DEXI: variants seen among roughly 807,000 people sequenced by gnomAD.
DEXI encodes the protein dexamethasone-induced protein.
DEXI carries 2 observed loss-of-function variants against 2.5 expected under a neutral mutation model. The observed-to-expected ratio is 0.81, with a 90% CI of 0.33 to 2.55. The LOEUF (loss-of-function observed/expected upper bound fraction) is 2.55, where lower values mean the gene tolerates loss of function less well. Ranked by LOEUF, DEXI falls within the 30% of genes most tolerant of loss-of-function variation. DEXI has a pLI of 0.11. For synonymous variants in DEXI, 71 were observed against 68.7 expected (o/e 1.03, Z -0.17); for missense variants, 108 against 130.3 (o/e 0.83, Z 0.83).
rs1275991294 is a variant in DEXI at position 10,942,037 on chromosome 16, T to C, written c.-32A>G. 1.5e-6 allele frequency: 2 copies of C among 1,370,962 alleles called. No individual in the cohort carries two copies. The highest frequency in any genetic ancestry group is 3.1e-5 in the African/African-American group (2 of 65,356). 84.9% of individuals were successfully genotyped at this position (1,370,962 alleles called of 1,614,324 possible). On this transcript the variant is annotated 5_prime_UTR_variant, in exon 1 of 2. Coordinates refer to ENST00000331808, the MANE Select transcript of DEXI (RefSeq NM_014015.4). The surrounding 1 kb of genome is among the most constrained non-coding windows in gnomAD (Gnocchi z 5.0). Reference sequence around the variant, plus strand: ...GGTGGCAAGGGCGGCGGCCCGGCGATCCCGGCGAACTCAGCCGCTGCGGCG... The same window carrying C: ...GGTGGCAAGGGCGGCGGCCCGGCGACCCCGGCGAACTCAGCCGCTGCGGCG...
chr16:10,935,383 A>G (rs549511800), intron 1 of DEXI: 3 of 152,260 alleles, frequency 2.0e-5, no homozygotes, highest in African/African-American at 4.8e-5. Context: ...TCTTTTTAAC[A>G]AAGAATACAG....
At chr16:10,931,528 T>C (rs2040794478) in intron 1 of DEXI, 1 of 152,232 alleles carries the variant, frequency 6.6e-6, no homozygotes, top group African/African-American at 2.4e-5. Context: ...TAGCAAGTGA[T>C]GCCAAGTTTC....
Position 10,929,460 on chromosome 16 carries a change from T to C in DEXI, c.*249A>G. 3 of 985,810 alleles carry C rather than the reference T, an allele frequency of 3.0e-6. No homozygotes were observed. Among genetic ancestry groups the C allele is most frequent in the Non-Finnish European group, 3.6e-6 (3 of 829,956 alleles). 61.1% of individuals were successfully genotyped at this position (985,810 alleles called of 1,614,324 possible). On this transcript the variant is annotated 3_prime_UTR_variant, in exon 2 of 2. Transcript: ENST00000331808. This position sits in a 1 kb window ranked among gnomAD's most constrained non-coding sequence, Gnocchi z 4.3. ...GCGTTCCCCCTTCTGTGGGAGCAGG[T>C]GCCTTCCCAACCTCAGCACTCAGTC...
In DEXI at chr16:10,941,651, T is replaced by A; in HGVS notation, c.*67A>T. On this transcript the variant is annotated 3_prime_UTR_variant, in exon 1 of 2. Transcript: ENST00000331808. The surrounding 1 kb of genome is among the most constrained non-coding windows in gnomAD (Gnocchi z 6.4). ...CCCCCAACCAGCTGCGGCGGCATGA[T>A]CTGGGCGGCTGGTCCAGGGCATGGG... 1.3e-6 allele frequency: 2 copies of A among 1,538,232 alleles called. No homozygotes were observed. The highest frequency in any genetic ancestry group is 1.8e-6 in the Non-Finnish European group (2 of 1,140,404).
At position 10,934,532 on chromosome 16, in the gene DEXI, C is replaced by G. The variant is rs1449697407; in HGVS notation, c.*150-4973G>C. The G allele has an allele frequency of 6.6e-6, 1 of 152,266 alleles. No individual in the cohort carries two copies. Among genetic ancestry groups the G allele is most frequent in the Non-Finnish European group, 1.5e-5 (1 of 68,086 alleles). 9.4% of individuals were successfully genotyped at this position (152,266 alleles called of 1,614,324 possible). A position where few individuals can be genotyped will look rare whatever the true frequency, so the allele number is the denominator to read the frequency against. On this transcript the variant is annotated intron_variant, in intron 1 of 1. Coordinates refer to ENST00000331808, the MANE Select transcript of DEXI (RefSeq NM_014015.4). This position sits in a 1 kb window ranked among gnomAD's most constrained non-coding sequence, Gnocchi z 4.2. Reference sequence around the variant, plus strand: ...CTGGGACGCCTCCAGCAGACCACCTCACTGGGGGAAACATCAGGACAGCGT... The same window carrying G: ...CTGGGACGCCTCCAGCAGACCACCTGACTGGGGGAAACATCAGGACAGCGT...
At chr16:10,935,364 T>C (rs558052809) in intron 1 of DEXI, 195 of 152,340 alleles carry the variant, frequency 1.3e-3, no homozygotes, top group African/African-American at 4.5e-3. Flanking sequence ...CACCCGACAG[T>C]TGTTAATCTC....
Position 10,929,445 on chromosome 16 carries a change from T to G in DEXI, c.*264A>C. On this transcript the variant is annotated 3_prime_UTR_variant, in exon 2 of 2. Coordinates refer to ENST00000331808, the MANE Select transcript of DEXI (RefSeq NM_014015.4). The surrounding 1 kb of genome is among the most constrained non-coding windows in gnomAD (Gnocchi z 4.3). ...CTTGGGATGCCTCTTGCGTTCCCCC[T>G]TCTGTGGGAGCAGGTGCCTTCCCAA... is the stretch of plus-strand genomic sequence containing the variant. 2.0e-6 allele frequency: 2 copies of G among 985,812 alleles called. No individual in the cohort carries two copies. The highest frequency in any genetic ancestry group is 2.4e-6 in the Non-Finnish European group (2 of 829,948). The allele number at this position is 985,812 out of a possible 1,614,324, so 61.1% of individuals were successfully genotyped here. A position where few individuals can be genotyped will look rare whatever the true frequency, so the allele number is the denominator to read the frequency against.
rs2040661873 is a variant in DEXI, at chr16:10,929,110, C to T, written c.*599G>A. On this transcript the variant is annotated 3_prime_UTR_variant, in exon 2 of 2. Transcript: ENST00000331808. This position sits in a 1 kb window ranked among gnomAD's most constrained non-coding sequence, Gnocchi z 4.3. ...GGAGCGAGAATCCCACCCTCAGCCC[C>T]CCAACAGCTTCCTCAGCTTCTTTTT... The T allele has an allele frequency of 1.4e-6, 1 of 704,542 alleles. No homozygotes were observed. The highest frequency in any genetic ancestry group is 1.7e-6 in the Non-Finnish European group (1 of 573,530). 43.6% of individuals were successfully genotyped at this position (704,542 alleles called of 1,614,324 possible).
At position 10,941,803 on chromosome 16, in the gene DEXI, A is replaced by C. The variant is rs760058332; in HGVS notation, c.203T>G (p.Val68Gly). 5 of 1,613,650 alleles carry C rather than the reference A, an allele frequency of 3.1e-6. No individual in the cohort carries two copies. The South Asian group carries it at 5.5e-5, about 18-fold the overall frequency. The part of the protein sequence containing the change: ...FLPEDMDQAL[V>G]DLGVLSDPGS... ...GGGGTCGGAGAGCACGCCGAGGTCCACGAGCGCCTGGTCCATGTCCTCGGG... is the reference window on the plus strand; with the variant it reads ...GGGGTCGGAGAGCACGCCGAGGTCCCCGAGCGCCTGGTCCATGTCCTCGGG... The change falls in exon 1 of 2, where the codon GTG (valine) becomes GGG (glycine). Residue 68 changes from valine to glycine, a missense_variant. Physicochemically the swap from Val to Gly is moderately radical, Grantham distance 109. Transcript: ENST00000331808. This position sits in a 1 kb window ranked among gnomAD's most constrained non-coding sequence, Gnocchi z 6.4.
rs1244173316 is a variant in DEXI at position 10,935,455 on chromosome 16, T to TTAG, written c.*150-5899_*150-5897dup. On this transcript the variant is annotated intron_variant, in intron 1 of 1. Coordinates refer to ENST00000331808, the MANE Select transcript of DEXI (RefSeq NM_014015.4). ...GGCCAAAAGTTAATGACTTTGGCAG[T>TTAG]TAGTGTTTTTATCCATGCCAAGCGA... The TTAG allele has an allele frequency of 2.0e-5, 3 of 152,374 alleles. No individual in the cohort carries two copies. In the East Asian group the frequency reaches 5.8e-4, roughly 29 times the overall value. The allele number at this position is 152,374 out of a possible 1,614,324, so 9.4% of individuals were successfully genotyped here.
chr16:10,931,729 C>T (rs1013277293), intron 1 of DEXI: 7 of 152,200 alleles, frequency 4.6e-5, no homozygotes, highest in African/African-American at 1.7e-4. Flanking sequence ...AACAAACAAA[C>T]AAAAATACAA....
chr16:10,942,030 C>G lies in DEXI; in HGVS notation c.-25G>C. ...TGCAGCGGGTGGCAAGGGCGGCGGCCCGGCGATCCCGGCGAACTCAGCCGC... is the reference window on the plus strand; with the variant it reads ...TGCAGCGGGTGGCAAGGGCGGCGGCGCGGCGATCCCGGCGAACTCAGCCGC... On this transcript the variant is annotated 5_prime_UTR_variant, in exon 1 of 2. Coordinates refer to ENST00000331808, the MANE Select transcript of DEXI (RefSeq NM_014015.4). This position sits in a 1 kb window ranked among gnomAD's most constrained non-coding sequence, Gnocchi z 5.0. The G allele has an allele frequency of 2.9e-6, 4 of 1,375,244 alleles. No homozygotes were observed. The highest frequency in any genetic ancestry group is 3.8e-6 in the Non-Finnish European group (4 of 1,066,236). 85.2% of individuals were successfully genotyped at this position (1,375,244 alleles called of 1,614,324 possible). A position where few individuals can be genotyped will look rare whatever the true frequency, so the allele number is the denominator to read the frequency against.
intron 1 of DEXI, chr16:10,931,558 G>A (rs1385665203): frequency 6.6e-6 from 1 of 152,148 alleles, no homozygotes; most frequent in Non-Finnish European, 1.5e-5. Flanking sequence ...TAGTAATATA[G>A]TTTTTCTTTT....
Position 10,934,916 on chromosome 16 carries a change from C to G in DEXI, c.*150-5357G>C, listed in dbSNP as rs1478637750. ...AAGGCTGCCCACACAGACACACCCT[C>G]CTTGGTAACCAGTCCTCAGGAGGAA... On this transcript the variant is annotated intron_variant, in intron 1 of 1. Transcript: ENST00000331808. The surrounding 1 kb of genome is among the most constrained non-coding windows in gnomAD (Gnocchi z 4.2). The G allele has an allele frequency of 3.9e-5, 6 of 152,328 alleles. 1 individual carries two copies. In the East Asian group the frequency reaches 1.2e-3, roughly 29 times the overall value. 9.4% of individuals were successfully genotyped at this position (152,328 alleles called of 1,614,324 possible). A position where few individuals can be genotyped will look rare whatever the true frequency, so the allele number is the denominator to read the frequency against.
rs2040690770 is a variant in DEXI, at chr16:10,929,629, G to A, written c.*150-70C>T. The A allele has an allele frequency of 2.1e-6, 2 of 940,230 alleles. No individual in the cohort carries two copies. Among genetic ancestry groups the A allele is most frequent in the African/African-American group, 3.5e-5 (2 of 56,462 alleles). 58.2% of individuals were successfully genotyped at this position (940,230 alleles called of 1,614,324 possible). A position where few individuals can be genotyped will look rare whatever the true frequency, so the allele number is the denominator to read the frequency against. On this transcript the variant is annotated intron_variant, in intron 1 of 1. Coordinates refer to ENST00000331808, the MANE Select transcript of DEXI (RefSeq NM_014015.4). The surrounding 1 kb of genome is among the most constrained non-coding windows in gnomAD (Gnocchi z 4.3). ...CCTGCCACCAGGTTGGCTGGGGACAGGGACCAATCCACCAGGCTCGGGAGG... is the reference window on the plus strand; with the variant it reads ...CCTGCCACCAGGTTGGCTGGGGACAAGGACCAATCCACCAGGCTCGGGAGG...
chr16:10,932,168 G>T (rs920035890), intron 1 of DEXI: 2 of 152,182 alleles, frequency 1.3e-5, no homozygotes, highest in Non-Finnish European at 2.9e-5. Context: ...GGATGTTCTG[G>T]GACACAGTTC....
rs1289224046 is a variant in DEXI at position 10,941,152 on chromosome 16, G to A, written c.*149+417C>T. 1.3e-5 allele frequency: 2 copies of A among 152,940 alleles called. No homozygotes were observed. Among genetic ancestry groups the A allele is most frequent in the East Asian group, 1.9e-4 (1 of 5,202 alleles). The allele number at this position is 152,940 out of a possible 1,614,324, so 9.5% of individuals were successfully genotyped here. A position where few individuals can be genotyped will look rare whatever the true frequency, so the allele number is the denominator to read the frequency against. On this transcript the variant is annotated intron_variant, in intron 1 of 1. Transcript: ENST00000331808. The surrounding 1 kb of genome is among the most constrained non-coding windows in gnomAD (Gnocchi z 6.4). ...AGGTGATTCGTGCCTGGCTCCCTGT[G>A]TCTTCTGACACCCCTAAATCTTTAT...
rs908314415 is a variant in DEXI, at chr16:10,940,506, C to G, written c.*149+1063G>C. On this transcript the variant is annotated intron_variant, in intron 1 of 1. Transcript: ENST00000331808. The surrounding 1 kb of genome is among the most constrained non-coding windows in gnomAD (Gnocchi z 4.2). ...CCTTGCCCACCATATCTCAGCATCC[C>G]CTCTTCATTGCCACTTAGACCCTGT... The G allele has an allele frequency of 2.6e-5, 4 of 152,436 alleles. No homozygotes were observed. The highest frequency in any genetic ancestry group is 9.6e-5 in the African/African-American group (4 of 41,578). 9.4% of individuals were successfully genotyped at this position (152,436 alleles called of 1,614,324 possible).
chr16:10,933,811 G>C (rs74007587), intron 1 of DEXI: 9,583 of 152,306 alleles, frequency 0.063, 518 homozygotes, highest in African/African-American at 0.15. Flanking sequence ...CAATTAAAGT[G>C]GCTAAAGACA....
Sources: gnomAD v4.1 joint callset for allele counts on GRCh38, gnomAD v4.1.1 for gene constraint, Gnocchi (gnomAD v3.1) non-coding constraint, MANE v1.5 for transcripts, NCBI Gene and HGNC (gene_info 2026-07-23, HGNC 2026-07-21) for gene names.